TONSL: variants seen among roughly 807,000 people sequenced by gnomAD.
The protein encoded by TONSL is tonsoku-like protein.
Under a neutral mutation model 147.1 loss-of-function variants are expected in TONSL, and 112 were observed. The observed-to-expected ratio is 0.76, with a 90% CI of 0.65 to 0.89. The LOEUF (loss-of-function observed/expected upper bound fraction) is 0.89, where lower values mean the gene tolerates loss of function less well. TONSL is among the 40% of genes least tolerant of loss of function. The pLI is 0.00. For synonymous variants in TONSL, 868 were observed against 801.5 expected (o/e 1.08, Z -1.40); for missense variants, 1,883 against 1,864.6 (o/e 1.01, Z -0.18).
At chr8:144,431,261 A>G (rs1554878597) in intron 23 of TONSL, 110 bp from the exon 24 acceptor site, 1 of 979,476 alleles carries the variant, frequency 1.0e-6, no homozygotes, top group East Asian at 2.4e-5. Context: ...AGAGTCCCCC[A>G]TCAAGTTGGA....
chr8:144,434,311 G>A, intron 20 of TONSL, 32 bp from the exon 21 acceptor site: 1 of 1,477,808 alleles, frequency 6.8e-7, no homozygotes, highest in Non-Finnish European at 9.0e-7. Flanking sequence ...ACCAGGGTAA[G>A]GCCGGCCCTT....
Position 144,436,318 on chromosome 8 carries a change from G to A in TONSL, c.2115C>T (p.Ser705=). 1.3e-6 allele frequency: 2 copies of A among 1,503,448 alleles called. No individual in the cohort carries two copies. The highest frequency in any genetic ancestry group is 1.8e-6 in the Non-Finnish European group (2 of 1,133,356). The allele number at this position is 1,503,448 out of a possible 1,614,324, so 93.1% of individuals were successfully genotyped here. ...CCTGAGAGGCCTCTGGGAGTCTAGT[G>A]CTATTAGAGGGGGGTTCTGGGCAGG... is the stretch of plus-strand genomic sequence containing the variant. The part of the protein sequence containing the change: ...LSPCPEPPSN[S]TRLPEASQAH... Residue 705 remains serine (S), a synonymous_variant, in exon 17 of 26, where the codon AGC becomes AGT. Transcript: ENST00000409379.
intron 7 of TONSL, chr8:144,441,814 G>A: frequency 2.0e-6 from 1 of 510,174 alleles, no homozygotes; most frequent in Non-Finnish European, 3.5e-6. Context: ...CCCTTTCATT[G>A]CCCCTGACAC....
At chr8:144,431,994 ATT>A (rs1330295661) in intron 23 of TONSL, among the ~76,000 whole-genome samples, 1 of 150,288 alleles carries the variant, frequency 6.7e-6, no homozygotes, top group African/African-American at 2.5e-5. Flanking sequence ...CGCCTGGGTA[ATT>A]TTTGTATTTT....
intron 23 of TONSL, among the ~76,000 whole-genome samples, chr8:144,431,576 G>A (rs1450288911): frequency 6.6e-6 from 1 of 151,402 alleles, no homozygotes; most frequent in Non-Finnish European, 1.5e-5. Flanking sequence ...GTGCGGTGGC[G>A]CCATCTCGGC....
At position 144,436,802 on chromosome 8, in the gene TONSL, C is replaced by T. The variant is rs1395046846; in HGVS notation, c.1845G>A (p.Glu615=). The change falls in exon 15 of 26, where the codon GAG becomes GAA. Residue 615 remains glutamate (E), a synonymous_variant. Transcript: ENST00000409379. The part of the protein sequence containing the change: ...ALNCGHFEVA[E]LLLERGASVT... ...CGGACGCCCCCCGTTCAAGCAGCAG[C>T]TCAGCCACCTCGAAGTGGCCACAGT... The T allele has an allele frequency of 1.2e-6, 2 of 1,611,542 alleles. No individual in the cohort carries two copies. The highest frequency in any genetic ancestry group is 1.1e-5 in the South Asian group (1 of 91,072).
chr8:144,443,986 G>A lies in TONSL; in HGVS notation c.160C>T (p.Leu54=). ...AEALEQHWQE[L]QLRERADDPL... is the part of the protein sequence containing the mutation. The stretch of plus-strand genomic sequence containing the variant: ...TCGTCAGCGCGCTCCCGAAGCTGCA[G>A]CTCCTGCCAGTGCTGCTCCAGAGCC... The change falls in exon 3 of 26, where the codon CTG becomes TTG. Residue 54 remains leucine (L), a synonymous_variant. Coordinates refer to ENST00000409379, the MANE Select transcript of TONSL (RefSeq NM_013432.5). 1 of 1,540,108 alleles carries A rather than the reference G, an allele frequency of 6.5e-7. No homozygotes were observed. Among genetic ancestry groups the A allele is most frequent in the East Asian group, 2.4e-5 (1 of 40,910 alleles).
chr8:144,434,344 G>A (rs1280201078), intron 20 of TONSL, 65 bp from the exon 21 acceptor site: 4 of 1,364,670 alleles, frequency 2.9e-6, no homozygotes, highest in African/African-American at 1.5e-5. Flanking sequence ...ATCCCAGAGG[G>A]CAAACCAGGC....
chr8:144,440,266 A>G lies in TONSL; in HGVS notation c.1291-56T>C. The G allele has an allele frequency of 1.9e-6, 3 of 1,555,760 alleles. No homozygotes were observed. The South Asian group carries it at 3.6e-5, about 19-fold the overall frequency. On this transcript the variant is annotated intron_variant, in intron 10 of 25. Transcript: ENST00000409379. ...CTGGGGGCTGTGGACGCAGAGAAAG[A>G]TGGGGATGGGGCACAAGGGGCAGGC...
At position 144,433,690 on chromosome 8, in the gene TONSL, G is replaced by T; in HGVS notation, c.3457C>A (p.Leu1153Met). Residue 1153 changes from leucine (L) to methionine (M), a missense_variant, in exon 22 of 26, where the codon CTG becomes ATG. Coordinates refer to ENST00000409379, the MANE Select transcript of TONSL (RefSeq NM_013432.5). ...GTGCTGAGTAAGGGGCAGGCGTGCA[G>T]GAGGGAGGCCAGGGACTGGCCACAG... is the stretch of plus-strand genomic sequence containing the variant. ...DGCGQSLASL[L>M]HACPLLSTLR... 1 of 1,612,376 alleles carries T rather than the reference G, an allele frequency of 6.2e-7. No homozygotes were observed. Among genetic ancestry groups the T allele is most frequent in the Non-Finnish European group, 8.5e-7 (1 of 1,179,638 alleles).
At chr8:144,432,007 T>C (rs1823221058) in intron 23 of TONSL, among the ~76,000 whole-genome samples, 1 of 151,894 alleles carries the variant, frequency 6.6e-6, no homozygotes, top group Admixed American at 6.6e-5. Context: ...TTTGTATTTT[T>C]ACTAGAGACA....
chr8:144,429,066 G>A lies in TONSL; in HGVS notation c.*77C>T. The A allele has an allele frequency of 7.0e-7, 1 of 1,429,198 alleles. No individual in the cohort carries two copies. Among genetic ancestry groups the A allele is most frequent in the South Asian group, 1.4e-5 (1 of 71,078 alleles). 88.5% of individuals were successfully genotyped at this position (1,429,198 alleles called of 1,614,324 possible). A position where few individuals can be genotyped will look rare whatever the true frequency, so the allele number is the denominator to read the frequency against. ...GGCCTCCCAAAGTGTTGGGATTACA[G>A]GCGTGAGCCACCGCGCCCGGCCAGC... On this transcript the variant is annotated 3_prime_UTR_variant, in exon 26 of 26. Coordinates refer to ENST00000409379, the MANE Select transcript of TONSL (RefSeq NM_013432.5).
chr8:144,429,198 C>T lies in TONSL; in HGVS notation c.4082G>A (p.Gly1361Asp), dbSNP rs947855895. 2.6e-6 allele frequency: 4 copies of T among 1,534,754 alleles called. No homozygotes were observed. The highest frequency in any genetic ancestry group is 3.5e-6 in the Non-Finnish European group (4 of 1,144,858). Residue 1361 changes from glycine to aspartate, a missense_variant, in exon 26 of 26, where the codon GGC becomes GAC. Physicochemically the swap from Gly to Asp is moderately conservative, Grantham distance 94. Coordinates refer to ENST00000409379, the MANE Select transcript of TONSL (RefSeq NM_013432.5). ...ALRQLQPSRP[G>D]PGECTLDHGS... is the part of the protein sequence containing the mutation. ...GTGGTCCAGCGTGCACTCGCCGGGG[C>T]CCGGCCGACTGGGCTGCAGCTGGCG...
intron 20 of TONSL, among the ~76,000 whole-genome samples, 170 bp downstream of exon 20, chr8:144,434,641 G>A (rs1018120568): frequency 6.6e-6 from 1 of 152,190 alleles, no homozygotes; most frequent in Non-Finnish European, 1.5e-5. Context: ...GCTGAGGGCT[G>A]TCCTCTCCCT....
rs142338155 is a variant in TONSL, at chr8:144,435,502, G to C, written c.2824C>G (p.His942Asp). 4 of 1,549,404 alleles carry C rather than the reference G, an allele frequency of 2.6e-6. No homozygotes were observed. The African/African-American group carries it at 5.5e-5, about 21-fold the overall frequency. Reference sequence around the variant, plus strand: ...TGTGGGACAGGGATGAGGAAGAGATGATCCTGAACTTGAACTCGAACCCGG... The same window carrying C: ...TGTGGGACAGGGATGAGGAAGAGATCATCCTGAACTTGAACTCGAACCCGG... Reference protein sequence around the residue: ...PIRVRVQVQDHLFLIPVPHSS... With the variant: ...PIRVRVQVQDDLFLIPVPHSS... The change falls in exon 18 of 26, where the codon CAT becomes GAT. Residue 942 changes from histidine (H) to aspartate (D), a missense_variant. By Grantham distance (81) the His-to-Asp change is moderately conservative. Coordinates refer to ENST00000409379, the MANE Select transcript of TONSL (RefSeq NM_013432.5).
Position 144,442,255 on chromosome 8 carries a change from C to A in TONSL, c.736G>T (p.Val246Leu). The change falls in exon 6 of 26, where the codon GTG becomes TTG. Residue 246 changes from valine (V) to leucine (L), a missense_variant. Physicochemically the swap from Val to Leu is conservative, Grantham distance 32. Coordinates refer to ENST00000409379, the MANE Select transcript of TONSL (RefSeq NM_013432.5). ...ACAGCGGGTACCTGTGCAATAACCA[C>A]GCAGCACTCGCTCTCCATGAACCGC... ...RKRFMESECC[V>L]VIAQVLQDLG... The A allele has an allele frequency of 6.3e-7, 1 of 1,589,370 alleles. No homozygotes were observed.
intron 21 of TONSL, 65 bp downstream of exon 21, chr8:144,433,913 G>T: frequency 6.7e-7 from 1 of 1,496,236 alleles, no homozygotes; most frequent in South Asian, 1.4e-5. Flanking sequence ...AGACCACCCA[G>T]GGACCTGCAG....
In TONSL at chr8:144,436,887, G is replaced by A; in HGVS notation, c.1760C>T (p.Ala587Val). 6.2e-7 allele frequency: 1 copy of A among 1,608,938 alleles called. No homozygotes were observed. The highest frequency in any genetic ancestry group is 8.5e-7 in the Non-Finnish European group (1 of 1,179,458). The change falls in exon 15 of 26, where the codon GCA (alanine) becomes GTA (valine). Residue 587 changes from alanine (A) to valine (V), a missense_variant. Ala to Val is a moderately conservative substitution (Grantham distance 64, BLOSUM62 0). Transcript: ENST00000409379. Reference protein sequence around the residue: ...IVRFLLDHGAAVDDPGGQGCE... With the variant: ...IVRFLLDHGAVVDDPGGQGCE... ...GCCCTGGCCACCTGGGTCGTCCACT[G>A]CGGCCCCGTGGTCCAGCAGGAAGCG...
In TONSL at chr8:144,435,145, G is replaced by C; in HGVS notation, c.2878C>G (p.Leu960Val). ...HSSDTHSVAW[L>V]AEQAAQRYYQ... ...TAGCGCTGGGCCGCCTGCTCGGCCA[G>C]CCAGGCCACAGAGTGGGTGTCACTG... The change falls in exon 19 of 26, where the codon CTG becomes GTG. Residue 960 changes from leucine to valine, a missense_variant. Transcript: ENST00000409379. 1.3e-6 allele frequency: 2 copies of C among 1,564,376 alleles called. No homozygotes were observed. Among genetic ancestry groups the C allele is most frequent in the Non-Finnish European group, 1.7e-6 (2 of 1,155,912 alleles).
Sources: gnomAD v4.1 joint callset for allele counts (sites outside exome capture counted in the v4.1 genomes callset) on GRCh38, gnomAD v4.1.1 for gene constraint, MANE v1.5 for transcripts, NCBI Gene and HGNC (gene_info 2026-07-23, HGNC 2026-07-21) for gene names.